The following GPM6A variants were observed in gnomAD, a reference collection of about 807,000 sequenced individuals.
GPM6A encodes neuronal membrane glycoprotein M6-a.
Under a neutral mutation model 32.1 loss-of-function variants are expected in GPM6A, and 7 were observed. The ratio of observed to expected loss-of-function variants is 0.22; its 90% CI spans 0.12 to 0.41. The LOEUF is 0.41. Among genes scored for constraint, GPM6A ranks in the 10% least tolerant of loss-of-function variants. The pLI is 1.00. For missense variants in GPM6A, 235 were observed against 347.2 expected (o/e 0.68, Z 2.57); for synonymous variants, 130 against 123.4 (o/e 1.05, Z -0.35).
At chr4:175,644,773 T>A (rs1044641091) in intron 4 of GPM6A, among the ~76,000 whole-genome samples, 1 of 152,126 alleles carries the variant, frequency 6.6e-6, no homozygotes, top group African/African-American at 2.4e-5. Flanking sequence ...CAGACTGATA[T>A]TTTCAGTTTC....
intron 3 of GPM6A, among the ~76,000 whole-genome samples, chr4:175,660,676 C>A (rs189569117): frequency 7.9e-5 from 12 of 152,106 alleles, no homozygotes; most frequent in Non-Finnish European, 1.5e-4. Flanking sequence ...ACAGGGTAAC[C>A]ACGGGTGAGC....
At chr4:175,708,813 AT>A (rs1037141219) in intron 1 of GPM6A, among the ~76,000 whole-genome samples, 6 of 152,208 alleles carry the variant, frequency 3.9e-5, no homozygotes, top group Admixed American at 6.5e-5. Context: ...TTGACAACAA[AT>A]TTTTGCTTTC....
intron 1 of GPM6A, among the ~76,000 whole-genome samples, chr4:175,850,872 CAT>C (rs1246615177): frequency 3.3e-5 from 5 of 150,072 alleles, no homozygotes; most frequent in East Asian, 1.9e-4. Context: ...TATAATTTCA[CAT>C]ATGATACTAT....
At chr4:175,985,857 G>A (rs949339828) in intron 1 of GPM6A, among the ~76,000 whole-genome samples, 1 of 151,794 alleles carries the variant, frequency 6.6e-6, no homozygotes, top group Admixed American at 6.6e-5. Context: ...TAAGGCTGGA[G>A]TGCAGTGGTG....
At chr4:175,674,312 G>A (rs1178786964) in intron 2 of GPM6A, among the ~76,000 whole-genome samples, 6 of 152,030 alleles carry the variant, frequency 3.9e-5, no homozygotes, top group South Asian at 2.1e-4. Context: ...CAAGTAGCTC[G>A]GATTACAGGC....
At chr4:175,811,670 C>T (rs1375127728) in intron 1 of GPM6A, among the ~76,000 whole-genome samples, 1 of 152,134 alleles carries the variant, frequency 6.6e-6, no homozygotes, top group Non-Finnish European at 1.5e-5. Context: ...GCTCCATCTG[C>T]TTAAACCTAT....
At chr4:175,765,559 G>A (rs914651503) in intron 1 of GPM6A, among the ~76,000 whole-genome samples, 5 of 152,084 alleles carry the variant, frequency 3.3e-5, no homozygotes, top group East Asian at 3.9e-4. Context: ...TCTAAACATC[G>A]TAAATATGTA....
chr4:175,691,994 T>C (rs1187767521), intron 2 of GPM6A, among the ~76,000 whole-genome samples: 1 of 152,202 alleles, frequency 6.6e-6, no homozygotes, highest in Admixed American at 6.6e-5. Context: ...GTACGGCTTC[T>C]TCCTGAGAGC....
chr4:175,640,713 C>T, intron 5 of GPM6A, 40 bp downstream of exon 5: 1 of 1,302,438 alleles, frequency 7.7e-7, no homozygotes, highest in Non-Finnish European at 1.1e-6. Context: ...AAAATGAATG[C>T]TAAAATTCTG....
intron 1 of GPM6A, among the ~76,000 whole-genome samples, chr4:175,809,107 A>G (rs990499003): frequency 2.6e-5 from 4 of 152,330 alleles, no homozygotes; most frequent in African/African-American, 9.6e-5. Flanking sequence ...GTATTCACCA[A>G]TTCACTCCTA....
chr4:175,730,755 T>C (rs1731392072), intron 1 of GPM6A, among the ~76,000 whole-genome samples: 2 of 152,158 alleles, frequency 1.3e-5, no homozygotes, highest in East Asian at 1.9e-4. Context: ...ATTCCAGGTG[T>C]GAGCCACCGC....
intron 1 of GPM6A, among the ~76,000 whole-genome samples, chr4:175,730,126 C>T (rs1339373320): frequency 6.6e-6 from 1 of 152,046 alleles, no homozygotes. Context: ...CTTTACTCTG[C>T]ATGCCCTTCT....
intron 1 of GPM6A, among the ~76,000 whole-genome samples, chr4:175,861,346 A>G (rs1457174065): frequency 6.6e-6 from 1 of 151,522 alleles, no homozygotes; most frequent in African/African-American, 2.4e-5. Context: ...ATAACTTTAT[A>G]TATAAATTAT....
intron 1 of GPM6A, among the ~76,000 whole-genome samples, chr4:175,755,678 C>G (rs1466499057): frequency 6.6e-6 from 1 of 152,152 alleles, no homozygotes; most frequent in Non-Finnish European, 1.5e-5. Context: ...GTACTTACTT[C>G]TCTGCAAGCC....
At chr4:175,811,053 CGTGT>C (rs146081744) in intron 1 of GPM6A, among the ~76,000 whole-genome samples, 2 of 149,868 alleles carry the variant, frequency 1.3e-5, no homozygotes, top group Non-Finnish European at 1.5e-5. Flanking sequence ...TCCTTTATTA[CGTGT>C]GTGTGTGTGT....
chr4:175,745,948 G>A (rs965729505), intron 1 of GPM6A, among the ~76,000 whole-genome samples: 39 of 152,208 alleles, frequency 2.6e-4, no homozygotes, highest in Admixed American at 2.5e-3. Flanking sequence ...GTGGATTTAA[G>A]CTGGGACAAG....
intron 1 of GPM6A, among the ~76,000 whole-genome samples, chr4:175,849,814 G>A (rs1445376590): frequency 6.6e-6 from 1 of 152,098 alleles, no homozygotes; most frequent in Non-Finnish European, 1.5e-5. Context: ...CTGAGGAAAG[G>A]AATATTGGTC....
intron 1 of GPM6A, among the ~76,000 whole-genome samples, chr4:175,818,903 AT>A (rs1735192781): frequency 6.6e-6 from 1 of 152,360 alleles, no homozygotes; most frequent in Non-Finnish European, 1.5e-5. Context: ...CTGTATTGTC[AT>A]AAATGCTGAT....
intron 1 of GPM6A, among the ~76,000 whole-genome samples, chr4:175,898,922 G>A (rs879846054): frequency 1.3e-5 from 2 of 152,138 alleles, no homozygotes; most frequent in Non-Finnish European, 2.9e-5. Flanking sequence ...CTAAGAGTTT[G>A]CCAGGTACCG....
Sources: gnomAD v4.1 joint callset for allele counts (sites outside exome capture counted in the v4.1 genomes callset) on GRCh38, gnomAD v4.1.1 for gene constraint, MANE v1.5 for transcripts, NCBI Gene and HGNC (gene_info 2026-07-23, HGNC 2026-07-21) for gene names.